Variants in PCDHA3 observed in about 807,000 individuals in gnomAD.
PCDHA3 encodes protocadherin alpha 3, also known as protocadherin alpha-3.
In PCDHA3, 41 loss-of-function variants were observed where a neutral mutation model predicts 62.2. The observed-to-expected ratio is 0.66, with a 90% CI of 0.51 to 0.86. The LOEUF (loss-of-function observed/expected upper bound fraction) is 0.86, where lower values mean the gene tolerates loss of function less well. PCDHA3 is among the 40% of genes least tolerant of loss of function. The probability of loss-of-function intolerance (pLI) is 0.00; values close to 1 mark genes in which losing one functional copy is unlikely to be tolerated. For synonymous variants in PCDHA3, 640 were observed against 555.4 expected (o/e 1.15, Z -2.14); for missense variants, 1,304 against 1,241.2 (o/e 1.05, Z -0.76).
At chr5:140,882,319 G>A in intron 1 of PCDHA3, 1 of 1,614,136 alleles carries the variant, frequency 6.2e-7, no homozygotes, top group Admixed American at 1.7e-5. Context: ...TACTGCTCTG[G>A]CTTCTGATCC....
intron 3 of PCDHA3, among the ~76,000 whole-genome samples, chr5:140,999,252 T>C (rs1474093411): frequency 1.3e-5 from 2 of 152,204 alleles, no homozygotes; most frequent in African/African-American, 4.8e-5. Flanking sequence ...GGGAGTTGGA[T>C]TAGTAAAGGA....
intron 3 of PCDHA3, among the ~76,000 whole-genome samples, chr5:141,006,275 G>C (rs782763386): frequency 6.6e-6 from 1 of 151,772 alleles, no homozygotes; most frequent in Non-Finnish European, 1.5e-5. Flanking sequence ...GCAGTGGCAC[G>C]ATCTCAGCTC....
In PCDHA3 at chr5:141,010,929, T is replaced by G. The variant is rs782088449; in HGVS notation, c.*992T>G. 1 of 153,778 alleles carries G rather than the reference T, an allele frequency of 6.5e-6. No homozygotes were observed. Among genetic ancestry groups the G allele is most frequent in the Non-Finnish European group, 1.5e-5 (1 of 68,048 alleles). 9.5% of individuals were successfully genotyped at this position (153,778 alleles called of 1,614,324 possible). A position where few individuals can be genotyped will look rare whatever the true frequency, so the allele number is the denominator to read the frequency against. ...AAACTCTCCTCAAAAGAGAATTCAG[T>G]CTACAGCCATTTAAATGATCATTGC... On this transcript the variant is annotated 3_prime_UTR_variant, in exon 4 of 4. Transcript: ENST00000522353.
intron 1 of PCDHA3, chr5:140,854,677 A>G (rs1450428296): frequency 6.7e-6 from 1 of 150,054 alleles, no homozygotes; most frequent in African/African-American, 2.4e-5. Context: ...CATAAGACCA[A>G]TATGTCTGTT....
At chr5:140,877,467 G>C (rs1554169776) in intron 1 of PCDHA3, 3 of 1,613,752 alleles carry the variant, frequency 1.9e-6, no homozygotes, top group African/African-American at 2.7e-5. Flanking sequence ...CGGCCACGGT[G>C]CTGGTGTCGC....
rs181275532 is a variant in PCDHA3, at chr5:140,900,911, A to G, written c.2395-78038A>G. Among the ~76,000 whole-genome samples the G allele has an allele frequency of 2.3e-4, 35 of 152,252 alleles. 1 individual carries two copies. Among genetic ancestry groups the G allele is most frequent in the Admixed American group, 6.5e-4 (10 of 15,284 alleles). ...GGATAAAAGCCATTTTAACTGTGGTAAGATGATATCTCATTGTAGTTTTGA... is the reference window on the plus strand; with the variant it reads ...GGATAAAAGCCATTTTAACTGTGGTGAGATGATATCTCATTGTAGTTTTGA... On this transcript the variant is annotated intron_variant, in intron 1 of 3. Coordinates refer to ENST00000522353, the MANE Select transcript of PCDHA3 (RefSeq NM_018906.3).
chr5:140,851,081 A>G, intron 1 of PCDHA3: 1 of 1,303,802 alleles, frequency 7.7e-7, no homozygotes, highest in Non-Finnish European at 1.0e-6. Flanking sequence ...TATAAACTGT[A>G]TATTAAATAG....
intron 1 of PCDHA3, among the ~76,000 whole-genome samples, chr5:140,891,039 AC>A (rs143686625): frequency 0.024 from 3,682 of 152,150 alleles, 153 homozygotes; most frequent in African/African-American, 0.085. Context: ...CTTAGGTGTG[AC>A]CCCCACAGCA....
chr5:140,850,459 G>T (rs868917699), intron 1 of PCDHA3: 1 of 1,597,898 alleles, frequency 6.3e-7, no homozygotes, highest in Admixed American at 1.7e-5. Flanking sequence ...AAAGACCACG[G>T]GGAGCCAGCG....
intron 1 of PCDHA3, chr5:140,842,446 C>G: frequency 6.2e-7 from 1 of 1,613,788 alleles, no homozygotes; most frequent in Non-Finnish European, 8.5e-7. Flanking sequence ...TTAGCGTGAA[C>G]GACCTCGATT....
intron 1 of PCDHA3, chr5:140,821,648 A>AT: frequency 9.2e-7 from 1 of 1,086,806 alleles, no homozygotes; most frequent in East Asian, 2.6e-5. Context: ...AGAACCTTCC[A>AT]TTTTTGGCTG....
intron 1 of PCDHA3, chr5:140,812,885 G>T (rs1765193374): frequency 2.6e-5 from 4 of 152,092 alleles, no homozygotes; most frequent in Admixed American, 2.6e-4. Flanking sequence ...TCATTCAAAT[G>T]AAATTTTGAA....
chr5:140,966,894 A>C, intron 1 of PCDHA3: 1 of 1,596,438 alleles, frequency 6.3e-7, no homozygotes, highest in African/African-American at 1.3e-5. Flanking sequence ...GCGGCCTCCC[A>C]GCTGCGATAC....
At chr5:141,007,395 CAAAAAAAAAAAA>C (rs35800918) in intron 3 of PCDHA3, among the ~76,000 whole-genome samples, 1 of 94,866 alleles carries the variant, frequency 1.1e-5, no homozygotes, top group Non-Finnish European at 2.1e-5. Flanking sequence ...TACTAAAATA[CAAAAAAAAAAAA>C]AAAAAAAAAA....
At chr5:140,933,848 C>T (rs1176922942) in intron 1 of PCDHA3, among the ~76,000 whole-genome samples, 6 of 151,862 alleles carry the variant, frequency 4.0e-5, no homozygotes, top group African/African-American at 1.5e-4. Context: ...ATTCCTGTAC[C>T]TTTAATTTTT....
intron 1 of PCDHA3, among the ~76,000 whole-genome samples, chr5:140,806,386 C>A (rs1404620412): frequency 6.6e-6 from 1 of 152,196 alleles, no homozygotes; most frequent in Non-Finnish European, 1.5e-5. Context: ...ACCAGCGTTT[C>A]TCATGGGAGC....
chr5:140,972,316 GT>G (rs112435719), intron 1 of PCDHA3, among the ~76,000 whole-genome samples: 1,932 of 139,568 alleles, frequency 0.014, 18 homozygotes, highest in African/African-American at 0.036. Context: ...GTTTTTAGGT[GT>G]TTTTTTTTTT....
chr5:140,898,321 G>T (rs370229202), intron 1 of PCDHA3, among the ~76,000 whole-genome samples: 1 of 151,946 alleles, frequency 6.6e-6, no homozygotes. Context: ...TTATGGTTTT[G>T]GGTCTAACGT....
chr5:140,886,004 A>G lies in PCDHA3; in HGVS notation c.2394+82413A>G, dbSNP rs544401095. On this transcript the variant is annotated intron_variant, in intron 1 of 3. Transcript: ENST00000522353. Reference sequence around the variant, plus strand: ...TCGCATGTGGTTGAAAGAAATAGTAAAGGGAGATGCTATGTATTCTTCACT... The same window carrying G: ...TCGCATGTGGTTGAAAGAAATAGTAGAGGGAGATGCTATGTATTCTTCACT... Among the ~76,000 whole-genome samples, 7 of 152,268 alleles carry G rather than the reference A, an allele frequency of 4.6e-5. No homozygotes were observed. In the East Asian group the frequency reaches 1.3e-3, roughly 29 times the overall value.
Sources: allele counts gnomAD v4.1 joint callset (sites outside exome capture counted in the v4.1 genomes callset), GRCh38; gene constraint gnomAD v4.1.1; transcripts MANE v1.5; gene names NCBI Gene and HGNC (gene_info 2026-07-23, HGNC 2026-07-21).